The following USP48 variants were observed in gnomAD, a reference collection of about 807,000 sequenced individuals.
USP48 encodes the protein ubiquitin specific peptidase 48.
Under a neutral mutation model 150.7 loss-of-function variants are expected in USP48, and 43 were observed. That is an observed-to-expected ratio of 0.29 (90% CI 0.22 to 0.37). The LOEUF is 0.37. Among genes scored for constraint, USP48 ranks in the 10% least tolerant of loss-of-function variants. The pLI, the probability that USP48 is intolerant of heterozygous loss-of-function variation, is 1.00. For synonymous variants in USP48, 396 were observed against 425.9 expected, an observed-to-expected ratio of 0.93 and a Z score of 0.86; for missense variants, 813 against 1,249.6, an observed-to-expected ratio of 0.65 and a Z score of 5.27.
chr1:21,679,672 C>G (rs769321780), intron 26 of USP48, among the ~76,000 whole-genome samples: 2 of 152,188 alleles, frequency 1.3e-5, no homozygotes, highest in East Asian at 1.9e-4. Context: ...CACAAACTAA[C>G]CAGATTTTAT....
intron 3 of USP48, among the ~76,000 whole-genome samples, chr1:21,754,569 C>A (rs947617516): frequency 1.3e-5 from 2 of 152,170 alleles, no homozygotes; most frequent in Non-Finnish European, 2.9e-5. Flanking sequence ...AAATACTTCT[C>A]CTTTGCCAGT....
At chr1:21,694,354 C>T (rs868813608) in intron 23 of USP48, among the ~76,000 whole-genome samples, 5 of 151,712 alleles carry the variant, frequency 3.3e-5, no homozygotes, top group East Asian at 1.9e-4. Context: ...GGGTGGAAAA[C>T]GAGGTAAGGA....
At chr1:21,729,085 C>T (rs1163183635) in intron 10 of USP48, among the ~76,000 whole-genome samples, 1 of 152,010 alleles carries the variant, frequency 6.6e-6, no homozygotes, top group African/African-American at 2.4e-5. Context: ...GAATTCAAGA[C>T]CAGCCTGGCC....
intron 15 of USP48, chr1:21,715,160 C>G (rs1300700965): frequency 8.8e-6 from 4 of 456,474 alleles, no homozygotes; most frequent in Non-Finnish European, 1.6e-5. Context: ...TGGACAATGA[C>G]AGTCATGGGA....
intron 8 of USP48, among the ~76,000 whole-genome samples, chr1:21,741,996 A>T (rs2097782978): frequency 6.6e-6 from 1 of 151,960 alleles, no homozygotes; most frequent in Admixed American, 6.6e-5. Context: ...GAGAGTGTCG[A>T]TTGCTTAATG....
At chr1:21,744,388 A>C (rs570797211) in intron 8 of USP48, among the ~76,000 whole-genome samples, 1 of 151,848 alleles carries the variant, frequency 6.6e-6, no homozygotes, top group South Asian at 2.1e-4. Flanking sequence ...TGGAGGCTGC[A>C]GTGAGTCGAA....
chr1:21,782,649 G>A (rs928322356), intron 1 of USP48, among the ~76,000 whole-genome samples, 175 bp downstream of exon 1: 4 of 152,226 alleles, frequency 2.6e-5, no homozygotes, highest in Non-Finnish European at 4.4e-5. Flanking sequence ...CGCACAGCCC[G>A]GGAAGCCTGC....
chr1:21,758,096 C>G (rs1159027473), intron 1 of USP48, among the ~76,000 whole-genome samples: 1 of 151,858 alleles, frequency 6.6e-6, no homozygotes, highest in Non-Finnish European at 1.5e-5. Context: ...ACAGCACTGT[C>G]TGTTAATTGC....
chr1:21,744,545 G>A (rs1197535472), intron 8 of USP48, among the ~76,000 whole-genome samples: 2 of 151,812 alleles, frequency 1.3e-5, no homozygotes, highest in African/African-American at 4.8e-5. Context: ...GGAGGACAAG[G>A]CGGGCAGATC....
chr1:21,767,211 G>A (rs1042600143), intron 1 of USP48, among the ~76,000 whole-genome samples: 5 of 152,156 alleles, frequency 3.3e-5, no homozygotes, highest in South Asian at 2.1e-4. Context: ...CACCACACCC[G>A]GCTTTTTTGT....
intron 1 of USP48, among the ~76,000 whole-genome samples, chr1:21,777,334 T>G (rs917835192): frequency 6.6e-6 from 1 of 151,646 alleles, no homozygotes; most frequent in Non-Finnish European, 1.5e-5. Flanking sequence ...AAACCTTGGG[T>G]GAGGTGTGGC....
At position 21,702,483 on chromosome 1, in the gene USP48, C is replaced by T. The variant is rs2097660008; in HGVS notation, c.2623-881G>A. On this transcript the variant is annotated intron_variant, in intron 21 of 26. Coordinates refer to ENST00000308271, the MANE Select transcript of USP48 (RefSeq NM_032236.8). ...ACATATCCAATCAATTTCACCTATC[C>T]TTGCAGGTCAATGGAAGAGGCTCTA... 2.0e-5 allele frequency among the ~76,000 whole-genome samples: 3 copies of T among 151,948 alleles called. No homozygotes were observed. In the South Asian group the frequency reaches 6.3e-4, roughly 32 times the overall value.
chr1:21,728,172 T>C, intron 11 of USP48: 5 of 991,754 alleles, frequency 5.0e-6, no homozygotes, highest in Non-Finnish European at 6.0e-6. Flanking sequence ...ACTGTATTCA[T>C]ATAATAGAAT....
intron 22 of USP48, 131 bp downstream of exon 22, chr1:21,701,365 CAA>C (rs35780642): frequency 0.027 from 10,927 of 398,266 alleles, no homozygotes; most frequent in East Asian, 0.041. Flanking sequence ...GACTCCATCT[CAA>C]AAAAAAAAAA....
chr1:21,701,908 G>A (rs897288818), intron 21 of USP48, among the ~76,000 whole-genome samples: 1 of 152,144 alleles, frequency 6.6e-6, no homozygotes, highest in African/African-American at 2.4e-5. Flanking sequence ...GCAGAAGTTC[G>A]AAGGTGCTTG....
chr1:21,686,033 C>T (rs12043791), intron 25 of USP48: 23,814 of 152,184 alleles, frequency 0.16, 2,610 homozygotes, highest in East Asian at 0.38. Flanking sequence ...ACAAGAATTG[C>T]TTGAACCCAG....
chr1:21,691,089 C>T (rs574507769), intron 23 of USP48, among the ~76,000 whole-genome samples: 10 of 152,084 alleles, frequency 6.6e-5, no homozygotes, highest in East Asian at 1.9e-4. Context: ...CCGAGGTGGA[C>T]GGATCACCTC....
chr1:21,734,304 C>T (rs2097763756), intron 9 of USP48, among the ~76,000 whole-genome samples: 1 of 152,014 alleles, frequency 6.6e-6, no homozygotes, highest in Non-Finnish European at 1.5e-5. Flanking sequence ...GAAGCTGAGG[C>T]AGGAGGATTA....
intron 1 of USP48, among the ~76,000 whole-genome samples, chr1:21,765,811 G>GGAGAATAGTTTGAAACTACGAAGCC: frequency 7.8e-6 from 1 of 127,476 alleles, no homozygotes. Context: ...ACCTGAGACA[G>GGAGAATAGTTTGAAACTACGAAGCC]GAGAATAGTT....
Sources: allele counts gnomAD v4.1 joint callset (sites outside exome capture counted in the v4.1 genomes callset), GRCh38; gene constraint gnomAD v4.1.1; transcripts MANE v1.5; gene names NCBI Gene and HGNC (gene_info 2026-07-23, HGNC 2026-07-21).